The following SLIT3 variants were observed in gnomAD, a reference collection of about 807,000 sequenced individuals.
The protein encoded by SLIT3 is slit guidance ligand 3, also known as slit homolog 3 protein.
A neutral mutation model predicts 184.0 loss-of-function variants in SLIT3; 68 were observed. The observed-to-expected ratio is 0.37, with a 90% CI of 0.30 to 0.45. SLIT3 has a LOEUF of 0.45. SLIT3 is among the 20% of genes least tolerant of loss of function. The probability of loss-of-function intolerance (pLI) is 1.00; values close to 1 mark genes in which losing one functional copy is unlikely to be tolerated. For missense variants in SLIT3, 1,707 were observed against 2,026.0 expected, an observed-to-expected ratio of 0.84 and a Z score of 3.02; for synonymous variants, 831 against 828.6, an observed-to-expected ratio of 1.00 and a Z score of -0.05.
At chr5:168,679,482 G>C (rs10068348) in intron 32 of SLIT3, among the ~76,000 whole-genome samples, 5,439 of 152,180 alleles carry the variant, frequency 0.036, 327 homozygotes, top group African/African-American at 0.12. Context: ...CCCCCAGGAA[G>C]GAGGCACACT....
chr5:169,092,734 T>TGGCAGTGCC (rs1260012611), intron 4 of SLIT3, among the ~76,000 whole-genome samples: 2 of 152,210 alleles, frequency 1.3e-5, no homozygotes, highest in African/African-American at 4.8e-5. Flanking sequence ...GCACCAGTGG[T>TGGCAGTGCC]GGCAGTGCCC....
chr5:168,917,318 C>T (rs190002991), intron 4 of SLIT3, among the ~76,000 whole-genome samples: 74 of 152,314 alleles, frequency 4.9e-4, no homozygotes, highest in South Asian at 8.3e-4. Flanking sequence ...TGGATTTTAA[C>T]GGCTCTGAAC....
At chr5:168,882,273 T>C (rs1425052801) in intron 5 of SLIT3, among the ~76,000 whole-genome samples, 1 of 152,162 alleles carries the variant, frequency 6.6e-6, no homozygotes, top group East Asian at 1.9e-4. Flanking sequence ...CCTTCTTCCC[T>C]ACCCCTCTCC....
At chr5:169,055,835 A>AG (rs1757983815) in intron 4 of SLIT3, among the ~76,000 whole-genome samples, 1 of 96,880 alleles carries the variant, frequency 1.0e-5, no homozygotes, top group African/African-American at 5.9e-5. Flanking sequence ...GTCTCGGAGG[A>AG]AAAAAAAAAA....
At chr5:169,005,635 T>C (rs1437730908) in intron 4 of SLIT3, among the ~76,000 whole-genome samples, 1 of 152,208 alleles carries the variant, frequency 6.6e-6, no homozygotes, top group Non-Finnish European at 1.5e-5. Flanking sequence ...CCTACTTTCA[T>C]CTTTCAGCTA....
intron 4 of SLIT3, among the ~76,000 whole-genome samples, chr5:169,113,654 TTTTC>T (rs1341838121): frequency 1.3e-5 from 2 of 148,440 alleles, no homozygotes; most frequent in African/African-American, 2.5e-5. Flanking sequence ...TTTTTTTTCT[TTTTC>T]TTTTTTTTTT....
intron 4 of SLIT3, among the ~76,000 whole-genome samples, chr5:169,187,111 G>GTTTTTTTTTTTTTTTTTTTT (rs761501769): frequency 3.2e-5 from 3 of 94,418 alleles, no homozygotes; most frequent in Non-Finnish European, 3.9e-5. Flanking sequence ...GCAGCTATAG[G>GTTTTTTTTTTTTTTTTTTTT]TTTTTTTTTT....
At chr5:169,047,792 C>G (rs1757676297) in intron 4 of SLIT3, among the ~76,000 whole-genome samples, 1 of 152,122 alleles carries the variant, frequency 6.6e-6, no homozygotes, top group East Asian at 1.9e-4. Context: ...CCGCTGTGCT[C>G]TGGCAGACCA....
intron 26 of SLIT3, 115 bp from the exon 27 acceptor site, chr5:168,700,794 A>T (rs1337062756): frequency 1.3e-6 from 1 of 749,684 alleles, no homozygotes; most frequent in African/African-American, 1.7e-5. Flanking sequence ...AGATGACAAC[A>T]AGGAGCCCCT....
chr5:168,750,156 A>G (rs1473232637), intron 18 of SLIT3, among the ~76,000 whole-genome samples: 1 of 152,182 alleles, frequency 6.6e-6, no homozygotes, highest in Admixed American at 6.5e-5. Flanking sequence ...CTTGGACTCT[A>G]CATACACGAG....
chr5:169,141,359 T>C (rs1761730032), intron 4 of SLIT3, among the ~76,000 whole-genome samples: 1 of 152,166 alleles, frequency 6.6e-6, no homozygotes. Context: ...CTCCCCATCT[T>C]TGAAAAGGTT....
At chr5:168,935,686 G>A (rs1762136779) in intron 4 of SLIT3, among the ~76,000 whole-genome samples, 1 of 152,172 alleles carries the variant, frequency 6.6e-6, no homozygotes, top group Admixed American at 6.5e-5. Context: ...CTTTCATGGT[G>A]TTTTCATAAA....
chr5:168,932,347 G>GACACACACACACACAC (rs375350401), intron 4 of SLIT3, among the ~76,000 whole-genome samples: 4 of 131,096 alleles, frequency 3.1e-5, no homozygotes, highest in Non-Finnish European at 6.5e-5. Context: ...AGGGGAAAAA[G>GACACACACACACACAC]ACACACACAC....
intron 4 of SLIT3, among the ~76,000 whole-genome samples, chr5:169,155,595 T>C (rs1762275398): frequency 6.6e-6 from 1 of 152,200 alleles, no homozygotes; most frequent in African/African-American, 2.4e-5. Flanking sequence ...CTTTGCTCAC[T>C]GCAGTGAGTC....
intron 4 of SLIT3, among the ~76,000 whole-genome samples, chr5:169,108,650 T>G (rs11950283): frequency 0.27 from 40,658 of 152,046 alleles, 6,168 homozygotes; most frequent in Middle Eastern, 0.35. Context: ...TTTAATGCTC[T>G]TGGTGGATGG....
chr5:169,140,308 CAAAAAAAA>C (rs10536624), intron 4 of SLIT3, among the ~76,000 whole-genome samples: 6 of 42,046 alleles, frequency 1.4e-4, no homozygotes, highest in East Asian at 8.5e-4. Flanking sequence ...ACTAAAAATG[CAAAAAAAA>C]AAAAAAAAAA....
intron 4 of SLIT3, among the ~76,000 whole-genome samples, chr5:168,993,551 G>A (rs1192958118): frequency 6.6e-6 from 1 of 152,236 alleles, no homozygotes; most frequent in Admixed American, 6.5e-5. Flanking sequence ...CCCACAGCCT[G>A]CTCTGAAGGC....
intron 3 of SLIT3, among the ~76,000 whole-genome samples, chr5:169,216,847 G>C (rs1229387145): frequency 8.5e-5 from 13 of 152,148 alleles, no homozygotes; most frequent in African/African-American, 1.4e-4. Flanking sequence ...AGCAGTGCTG[G>C]TTTGAAACCG....
At chr5:169,166,224 T>G (rs941581960) in intron 4 of SLIT3, among the ~76,000 whole-genome samples, 5 of 152,048 alleles carry the variant, frequency 3.3e-5, no homozygotes, top group Admixed American at 3.3e-4. Flanking sequence ...GACCAAAGAC[T>G]CCCCCCAAAG....
Sources: gnomAD v4.1 joint callset for allele counts (sites outside exome capture counted in the v4.1 genomes callset) on GRCh38, gnomAD v4.1.1 for gene constraint, MANE v1.5 for transcripts, NCBI Gene and HGNC (gene_info 2026-07-23, HGNC 2026-07-21) for gene names.